IMMP2L: variants seen among roughly 807,000 people sequenced by gnomAD.
IMMP2L encodes the protein mitochondrial inner membrane protease subunit 2.
A neutral mutation model predicts 19.3 loss-of-function variants in IMMP2L; 18 were observed. The observed-to-expected ratio is 0.93, with a 90% CI of 0.64 to 1.38. The LOEUF (loss-of-function observed/expected upper bound fraction) is 1.38, where lower values mean the gene tolerates loss of function less well. IMMP2L is among the 40% of genes most tolerant of loss of function. IMMP2L has a pLI of 0.00. For synonymous variants in IMMP2L, 76 were observed against 73.0 expected, an observed-to-expected ratio of 1.04 and a Z score of -0.21; for missense variants, 233 against 218.2, an observed-to-expected ratio of 1.07 and a Z score of -0.43.
rs1273286185 is a variant in IMMP2L, at chr7:111,337,751, TC to T, written c.239+149486del. Among the ~76,000 whole-genome samples the T allele has an allele frequency of 5.3e-5, 8 of 152,176 alleles. No individual in the cohort carries two copies. In the East Asian group the frequency reaches 7.7e-4, roughly 15 times the overall value. On this transcript the variant is annotated intron_variant, in intron 3 of 5. Coordinates refer to ENST00000405709, the MANE Select transcript of IMMP2L (RefSeq NM_032549.4). ...TCAGCAAGGTGAACCAAGTCTGACC[TC>T]AAATTAGTTAAACCTAGAGTGTCTT...
At chr7:110,814,403 A>G (rs1186280711) in intron 5 of IMMP2L, among the ~76,000 whole-genome samples, 1 of 151,470 alleles carries the variant, frequency 6.6e-6, no homozygotes, top group Non-Finnish European at 1.5e-5. Flanking sequence ...ATGAAAATGT[A>G]TATGACCTTG....
At chr7:111,106,364 T>A (rs967484271) in intron 3 of IMMP2L, among the ~76,000 whole-genome samples, 1 of 151,958 alleles carries the variant, frequency 6.6e-6, no homozygotes, top group South Asian at 2.1e-4. Flanking sequence ...GTCAACTTTT[T>A]TGAAGGATCT....
At chr7:111,389,505 G>A (rs1264067937) in intron 3 of IMMP2L, among the ~76,000 whole-genome samples, 1 of 151,724 alleles carries the variant, frequency 6.6e-6, no homozygotes, top group Non-Finnish European at 1.5e-5. Context: ...GGGAGTACTG[G>A]GGCATCATGT....
intron 5 of IMMP2L, among the ~76,000 whole-genome samples, chr7:110,670,916 T>C (rs1263661678): frequency 6.6e-6 from 1 of 152,208 alleles, no homozygotes; most frequent in Non-Finnish European, 1.5e-5. Flanking sequence ...TAACATCTTA[T>C]TGGAACTTGA....
chr7:110,773,458 T>C (rs1253177409), intron 5 of IMMP2L, among the ~76,000 whole-genome samples: 1 of 152,140 alleles, frequency 6.6e-6, no homozygotes, highest in East Asian at 1.9e-4. Flanking sequence ...ATACTTCATA[T>C]AGTGGGTCCT....
At chr7:111,307,660 T>C (rs1028141319) in intron 3 of IMMP2L, among the ~76,000 whole-genome samples, 3 of 151,712 alleles carry the variant, frequency 2.0e-5, no homozygotes, top group African/African-American at 4.8e-5. Flanking sequence ...AGTTACTATG[T>C]TCCCCATAAG....
chr7:111,265,152 G>A (rs1344631110), intron 3 of IMMP2L, among the ~76,000 whole-genome samples: 1 of 152,126 alleles, frequency 6.6e-6, no homozygotes, highest in Non-Finnish European at 1.5e-5. Context: ...ACAGTTTAAG[G>A]CAGATTCCTT....
intron 2 of IMMP2L, among the ~76,000 whole-genome samples, chr7:111,514,991 C>T (rs1053931967): frequency 1.3e-5 from 2 of 152,070 alleles, no homozygotes; most frequent in Non-Finnish European, 1.5e-5. Context: ...ATTCTCCTCT[C>T]TTTCTTTCAA....
chr7:111,315,799 G>C (rs933673264), intron 3 of IMMP2L, among the ~76,000 whole-genome samples: 2 of 150,710 alleles, frequency 1.3e-5, no homozygotes, highest in African/African-American at 2.4e-5. Flanking sequence ...TAACTACATA[G>C]GAATGTAAAA....
chr7:111,479,706 A>AT (rs202005675), intron 3 of IMMP2L, among the ~76,000 whole-genome samples: 5,129 of 152,184 alleles, frequency 0.034, 146 homozygotes, highest in Middle Eastern at 0.051. Context: ...GTACTTACTC[A>AT]TTTTTTTAAA....
At chr7:110,944,763 T>C (rs1817084621) in intron 4 of IMMP2L, among the ~76,000 whole-genome samples, 1 of 151,948 alleles carries the variant, frequency 6.6e-6, no homozygotes, top group Admixed American at 6.6e-5. Context: ...TTTACTCATA[T>C]ACAAGTGTAT....
chr7:111,375,016 T>C (rs571457362), intron 3 of IMMP2L, among the ~76,000 whole-genome samples: 1 of 152,250 alleles, frequency 6.6e-6, no homozygotes, highest in East Asian at 1.9e-4. Flanking sequence ...ACCACAGTTT[T>C]AGCTCCTTCA....
intron 5 of IMMP2L, among the ~76,000 whole-genome samples, chr7:110,858,482 A>G (rs1807037308): frequency 6.6e-6 from 1 of 152,130 alleles, no homozygotes; most frequent in Non-Finnish European, 1.5e-5. Context: ...ACAGTTTACT[A>G]TCAATCTGGA....
intron 4 of IMMP2L, among the ~76,000 whole-genome samples, chr7:110,948,539 T>G (rs1436463880): frequency 1.3e-5 from 2 of 152,210 alleles, no homozygotes; most frequent in Non-Finnish European, 2.9e-5. Flanking sequence ...TGGAATAGTA[T>G]TCTGATACAG....
At chr7:110,887,490 G>A (rs1810340816) in intron 4 of IMMP2L, among the ~76,000 whole-genome samples, 1 of 151,234 alleles carries the variant, frequency 6.6e-6, no homozygotes, top group South Asian at 2.1e-4. Context: ...TATGCCTCTT[G>A]ACTTAGTTAT....
intron 3 of IMMP2L, among the ~76,000 whole-genome samples, chr7:111,016,824 AATATATAGTATATAT>A (rs1563163131): frequency 3.7e-5 from 2 of 54,094 alleles, no homozygotes; most frequent in East Asian, 1.2e-3. Flanking sequence ...TATTATATAT[AATATATAGTATATAT>A]TATATATAAT....
chr7:110,833,662 A>G (rs1162105931), intron 5 of IMMP2L, among the ~76,000 whole-genome samples: 1 of 152,108 alleles, frequency 6.6e-6, no homozygotes, highest in Non-Finnish European at 1.5e-5. Context: ...TTTAAATAAA[A>G]TAACTTGCAT....
intron 3 of IMMP2L, among the ~76,000 whole-genome samples, chr7:111,008,226 T>G (rs1472278700): frequency 1.3e-5 from 2 of 152,096 alleles, no homozygotes; most frequent in African/African-American, 4.8e-5. Flanking sequence ...CACCAAGGGA[T>G]GTAAGACCCT....
chr7:111,129,396 G>A (rs1801634162), intron 3 of IMMP2L, among the ~76,000 whole-genome samples: 1 of 150,688 alleles, frequency 6.6e-6, no homozygotes, highest in Admixed American at 6.6e-5. Context: ...GAATATAGTT[G>A]TCACCATTAT....
Sources: gnomAD v4.1 joint callset for allele counts (sites outside exome capture counted in the v4.1 genomes callset) on GRCh38, gnomAD v4.1.1 for gene constraint, MANE v1.5 for transcripts, NCBI Gene and HGNC (gene_info 2026-07-23, HGNC 2026-07-21) for gene names.